Variants in LETM1 observed in about 807,000 individuals in gnomAD.
LETM1 encodes the protein leucine zipper and EF-hand containing transmembrane protein 1.
LETM1 carries 50 observed loss-of-function variants against 74.5 expected under a neutral mutation model. The ratio of observed to expected loss-of-function variants is 0.67; its 90% CI spans 0.53 to 0.85. The LOEUF (loss-of-function observed/expected upper bound fraction) is 0.85. LETM1 is among the 40% of genes least tolerant of loss of function. The pLI is 0.00. For synonymous variants in LETM1, 446 were observed against 407.1 expected (o/e 1.10, Z -1.15); for missense variants, 824 against 967.8 (o/e 0.85, Z 1.97).
chr4:1,820,749 C>G (rs1711747175), intron 10 of LETM1, among the ~76,000 whole-genome samples: 1 of 152,148 alleles, frequency 6.6e-6, no homozygotes, highest in Non-Finnish European at 1.5e-5. Context: ...TTTGGCCAGG[C>G]ACAGTGGCTC....
intron 1 of LETM1, among the ~76,000 whole-genome samples, chr4:1,854,190 T>C (rs547139725): frequency 2.0e-5 from 3 of 152,132 alleles, no homozygotes; most frequent in Admixed American, 6.6e-5. Flanking sequence ...TTGTAAAAAT[T>C]ACAAGAATTG....
At chr4:1,847,581 A>G (rs1712926259) in intron 2 of LETM1, among the ~76,000 whole-genome samples, 1 of 152,134 alleles carries the variant, frequency 6.6e-6, no homozygotes, top group South Asian at 2.1e-4. Context: ...GCACTTTGGG[A>G]GGCCGAGGTA....
Position 1,825,656 on chromosome 4 carries a change from G to A in LETM1, c.1108C>T (p.Leu370=). 1.2e-6 allele frequency: 2 copies of A among 1,613,922 alleles called. No individual in the cohort carries two copies. Among genetic ancestry groups the A allele is most frequent in the Non-Finnish European group, 1.7e-6 (2 of 1,179,878 alleles). Residue 370 remains leucine, a synonymous_variant, in exon 7 of 14, where the codon CTG becomes TTG. Coordinates refer to ENST00000302787, the MANE Select transcript of LETM1 (RefSeq NM_012318.3). ...GCTGCCTGCAGCTCCTTGACATTCA[G>A]GCTGTCCACCCCTTCCTCAGCAATC... is the stretch of plus-strand genomic sequence containing the variant. ...KLIAEEGVDS[L]NVKELQAACR... is the part of the protein sequence containing the mutation.
At chr4:1,837,781 G>A (rs1712509161) in intron 3 of LETM1, among the ~76,000 whole-genome samples, 1 of 129,188 alleles carries the variant, frequency 7.7e-6, no homozygotes, top group Non-Finnish European at 1.5e-5. Flanking sequence ...TTGGGTCATT[G>A]TATCTCCATC....
intron 6 of LETM1, among the ~76,000 whole-genome samples, chr4:1,827,897 G>A (rs1262060477): frequency 1.7e-4 from 26 of 150,624 alleles, no homozygotes; most frequent in African/African-American, 6.1e-4. Flanking sequence ...CCTCCCGGAC[G>A]GGGCGGCTGG....
chr4:1,823,869 G>A, intron 7 of LETM1, 94 bp from the exon 8 acceptor site: 1 of 1,368,422 alleles, frequency 7.3e-7, no homozygotes, highest in Non-Finnish European at 9.9e-7. Flanking sequence ...ATAGCTCTCA[G>A]AGAAGACAGT....
At chr4:1,823,178 G>A (rs1301607936) in intron 8 of LETM1, 47 bp from the exon 9 acceptor site, 1 of 1,521,932 alleles carries the variant, frequency 6.6e-7, no homozygotes, top group Admixed American at 2.0e-5. Context: ...GCCACCAGAG[G>A]CCCCTGCTGC....
chr4:1,819,862 G>A (rs1477350782), intron 10 of LETM1, among the ~76,000 whole-genome samples: 1 of 152,166 alleles, frequency 6.6e-6, no homozygotes, highest in Non-Finnish European at 1.5e-5. Context: ...TTAGATAGAC[G>A]GATCATCCAG....
chr4:1,827,840 G>A (rs1712054591), intron 6 of LETM1, among the ~76,000 whole-genome samples: 2 of 151,188 alleles, frequency 1.3e-5, no homozygotes, highest in Admixed American at 1.3e-4. Flanking sequence ...GGGCAGAGGG[G>A]CTCCTCACTT....
intron 1 of LETM1, among the ~76,000 whole-genome samples, chr4:1,855,363 C>T (rs776646407): frequency 6.6e-6 from 1 of 152,178 alleles, no homozygotes; most frequent in South Asian, 2.1e-4. Flanking sequence ...CCGTGTTCCC[C>T]GGGTGCCGGT....
rs79355714 is a variant in LETM1 at position 1,822,430 on chromosome 4, T to C, written c.1477-118A>G. 481 of 1,180,538 alleles carry C rather than the reference T, an allele frequency of 4.1e-4. 2 individuals carry two copies. In the African/African-American group the frequency reaches 6.3e-3, roughly 16 times the overall value. 73.1% of individuals were successfully genotyped at this position (1,180,538 alleles called of 1,614,324 possible). A position where few individuals can be genotyped will look rare whatever the true frequency, so the allele number is the denominator to read the frequency against. On this transcript the variant is annotated intron_variant, in intron 9 of 13. Coordinates refer to ENST00000302787, the MANE Select transcript of LETM1 (RefSeq NM_012318.3). Reference sequence around the variant, plus strand: ...ACTGGGAGCAGGCCTGCAGGTGACATTGGGCAGCACACCTGCCACAGAAGG... The same window carrying C: ...ACTGGGAGCAGGCCTGCAGGTGACACTGGGCAGCACACCTGCCACAGAAGG...
chr4:1,836,239 T>C lies in LETM1; in HGVS notation c.738+190A>G, dbSNP rs1011687720. ...TTTCAAAAATAAATAAATAAATAAATAAATAACGAAATAAAGAGAAACAAA... is the reference window on the plus strand; with the variant it reads ...TTTCAAAAATAAATAAATAAATAAACAAATAACGAAATAAAGAGAAACAAA... On this transcript the variant is annotated intron_variant, in intron 4 of 13. Coordinates refer to ENST00000302787, the MANE Select transcript of LETM1 (RefSeq NM_012318.3). This position sits in a 1 kb window ranked among gnomAD's most constrained non-coding sequence, Gnocchi z 5.8. 6.6e-6 allele frequency among the ~76,000 whole-genome samples: 1 copy of C among 151,712 alleles called. No individual in the cohort carries two copies. The highest frequency in any genetic ancestry group is 2.4e-5 in the African/African-American group (1 of 41,276).
chr4:1,825,032 C>A (rs1711934445), intron 7 of LETM1, among the ~76,000 whole-genome samples: 1 of 152,246 alleles, frequency 6.6e-6, no homozygotes, highest in Non-Finnish European at 1.5e-5. Flanking sequence ...CGGCTGGAGC[C>A]CTGCACCCCT....
chr4:1,828,806 G>A (rs1712132545), intron 6 of LETM1, among the ~76,000 whole-genome samples: 7 of 133,638 alleles, frequency 5.2e-5, no homozygotes, highest in South Asian at 4.8e-4. Flanking sequence ...TGGCCGGGCA[G>A]GGGGGCTGAC....
At chr4:1,853,533 G>A (rs1291920880) in intron 1 of LETM1, among the ~76,000 whole-genome samples, 1 of 152,164 alleles carries the variant, frequency 6.6e-6, no homozygotes, top group Non-Finnish European at 1.5e-5. Flanking sequence ...CAGTAGAGCA[G>A]CACCCTACAC....
At chr4:1,837,492 C>A (rs1712498120) in intron 3 of LETM1, among the ~76,000 whole-genome samples, 1 of 152,086 alleles carries the variant, frequency 6.6e-6, no homozygotes, top group Non-Finnish European at 1.5e-5. Flanking sequence ...CAATTTACGG[C>A]TGTCTTTATT....
chr4:1,832,923 T>C lies in LETM1; in HGVS notation c.901A>G (p.Ser301Gly). 2 of 1,612,402 alleles carry C rather than the reference T, an allele frequency of 1.2e-6. No homozygotes were observed. Among genetic ancestry groups the C allele is most frequent in the East Asian group, 4.5e-5 (2 of 44,888 alleles). ...GAAAAACGCATGATTTCCTCATTGC[T>C]GGGCCTCTCCCCTGTTTCCCGGATC... The part of the protein sequence containing the change: ...QKIRETGERP[S>G]NEEIMRFSKL... The change falls in exon 6 of 14, where the codon AGC (serine) becomes GGC (glycine). Residue 301 changes from serine (S) to glycine (G), a missense_variant. Ser to Gly is a moderately conservative substitution (Grantham distance 56). Transcript: ENST00000302787.
At chr4:1,852,894 C>A (rs1339077079) in intron 1 of LETM1, among the ~76,000 whole-genome samples, 1 of 152,186 alleles carries the variant, frequency 6.6e-6, no homozygotes, top group African/African-American at 2.4e-5. Context: ...CAGGAAACTT[C>A]CAGGGTTCTC....
chr4:1,838,138 C>G (rs886730460), intron 3 of LETM1, among the ~76,000 whole-genome samples: 56 of 151,878 alleles, frequency 3.7e-4, no homozygotes, highest in African/African-American at 1.3e-3. Flanking sequence ...CTCACTCTGT[C>G]TCCAGGATAC....
Sources: gnomAD v4.1 joint callset for allele counts (sites outside exome capture counted in the v4.1 genomes callset) on GRCh38, gnomAD v4.1.1 for gene constraint, Gnocchi (gnomAD v3.1) non-coding constraint, MANE v1.5 for transcripts, NCBI Gene and HGNC (gene_info 2026-07-23, HGNC 2026-07-21) for gene names.